Variants in MOB3A observed in about 807,000 individuals in gnomAD.
MOB3A encodes MOB LAK.
Under a neutral mutation model 17.8 loss-of-function variants are expected in MOB3A, and 17 were observed. The observed-to-expected ratio is 0.95, with a 90% CI of 0.65 to 1.43. The LOEUF (loss-of-function observed/expected upper bound fraction) is 1.43, where lower values mean the gene tolerates loss of function less well. Ranked by LOEUF, MOB3A falls within the 40% of genes most tolerant of loss-of-function variation. The pLI is 0.00. For missense variants in MOB3A, 333 were observed against 310.8 expected, an observed-to-expected ratio of 1.07 and a Z score of -0.54; for synonymous variants, 124 against 133.2, an observed-to-expected ratio of 0.93 and a Z score of 0.48.
In MOB3A at chr19:2,078,627, C is replaced by T; in HGVS notation, c.-67G>A. The T allele has an allele frequency of 6.7e-7, 1 of 1,485,034 alleles. No individual in the cohort carries two copies. Among genetic ancestry groups the T allele is most frequent in the South Asian group, 1.4e-5 (1 of 73,708 alleles). The allele number at this position is 1,485,034 out of a possible 1,614,324, so 92.0% of individuals were successfully genotyped here. Reference sequence around the variant, plus strand: ...TGGGCCAGCTGGCTGGGGGTGCTGACCAACCCGAGAGGCCACGAAACACTC... The same window carrying T: ...TGGGCCAGCTGGCTGGGGGTGCTGATCAACCCGAGAGGCCACGAAACACTC... On this transcript the variant is annotated 5_prime_UTR_variant, in exon 3 of 5. Coordinates refer to ENST00000357066, the MANE Select transcript of MOB3A (RefSeq NM_130807.3).
intron 4 of MOB3A, among the ~76,000 whole-genome samples, chr19:2,076,510 C>T (rs2017410556): frequency 6.6e-6 from 1 of 152,218 alleles, no homozygotes; most frequent in Non-Finnish European, 1.5e-5. Flanking sequence ...TCATAAGGGA[C>T]ACTGAGCGGC....
At chr19:2,090,539 A>G (rs1330140948) in intron 1 of MOB3A, among the ~76,000 whole-genome samples, 1 of 152,174 alleles carries the variant, frequency 6.6e-6, no homozygotes, top group African/African-American at 2.4e-5. Flanking sequence ...ACTCCACCCC[A>G]GAGAATGACT....
intron 4 of MOB3A, among the ~76,000 whole-genome samples, 187 bp downstream of exon 4, chr19:2,076,624 C>T (rs2017412603): frequency 6.6e-6 from 1 of 152,140 alleles, no homozygotes; most frequent in Non-Finnish European, 1.5e-5. Context: ...CGTGGGAGAA[C>T]GCAGGATCCC....
intron 1 of MOB3A, among the ~76,000 whole-genome samples, chr19:2,091,464 A>G (rs1330937441): frequency 1.3e-5 from 2 of 151,806 alleles, no homozygotes; most frequent in African/African-American, 4.8e-5. Flanking sequence ...GCTCACTGCA[A>G]GCTCTGCCTC....
At chr19:2,094,293 C>T (rs1310955965) in intron 1 of MOB3A, among the ~76,000 whole-genome samples, 2 of 152,022 alleles carry the variant, frequency 1.3e-5, no homozygotes, top group Admixed American at 6.6e-5. Flanking sequence ...GTGATCCACC[C>T]GCCTCAGCCT....
In MOB3A at chr19:2,095,498, G is replaced by T. The variant is rs193169545; in HGVS notation, c.-274+728C>A. Among the ~76,000 whole-genome samples the T allele has an allele frequency of 7.0e-4, 106 of 152,332 alleles. No homozygotes were observed. In the East Asian group the frequency reaches 0.018, roughly 25 times the overall value. On this transcript the variant is annotated intron_variant, in intron 1 of 4. Transcript: ENST00000357066. ...GGCCCGACCGCCGCGTTGGCTTGGG[G>T]ATCCTGAAGCCCTGCAGAATTTTAA...
At chr19:2,077,108 A>G in intron 3 of MOB3A, 95 bp from the exon 4 acceptor site, 1 of 1,151,012 alleles carries the variant, frequency 8.7e-7, no homozygotes, top group Non-Finnish European at 1.3e-6. Context: ...TCCAGACAGA[A>G]ATTGCTGGCA....
chr19:2,076,697 C>G (rs1282760972), intron 4 of MOB3A, 114 bp downstream of exon 4: 7 of 1,086,364 alleles, frequency 6.4e-6, no homozygotes, highest in African/African-American at 1.6e-5. Context: ...CAGCCGGGGC[C>G]GCCAGCTGCT....
intron 3 of MOB3A, among the ~76,000 whole-genome samples, chr19:2,077,939 A>G (rs1184409974): frequency 6.6e-6 from 1 of 151,828 alleles, no homozygotes; most frequent in Non-Finnish European, 1.5e-5. Flanking sequence ...GTGTGCCACC[A>G]TGCCTGGCTA....
intron 4 of MOB3A, among the ~76,000 whole-genome samples, chr19:2,074,781 G>A (rs796200113): frequency 3.3e-5 from 5 of 151,340 alleles, no homozygotes; most frequent in East Asian, 3.9e-4. Context: ...GCAATGGCGC[G>A]ATCTCAGCTC....
At chr19:2,073,491 A>T (rs2017366058) in intron 4 of MOB3A, 67 bp from the exon 5 acceptor site, 2 of 1,603,446 alleles carry the variant, frequency 1.2e-6, no homozygotes, top group Non-Finnish European at 1.7e-6. Context: ...CGAACAGCAG[A>T]CACACGGAGA....
intron 1 of MOB3A, among the ~76,000 whole-genome samples, chr19:2,086,624 C>G (rs1284760884): frequency 6.6e-6 from 1 of 152,116 alleles, no homozygotes; most frequent in Non-Finnish European, 1.5e-5. Context: ...TCCCAAAGTG[C>G]TGGGATTACA....
intron 1 of MOB3A, among the ~76,000 whole-genome samples, chr19:2,087,969 C>T (rs1038683025): frequency 1.3e-5 from 2 of 152,220 alleles, no homozygotes; most frequent in Non-Finnish European, 2.9e-5. Flanking sequence ...TGCTCTGAGC[C>T]CGCCCAGTGG....
At position 2,076,797 on chromosome 19, in the gene MOB3A, C is replaced by T; in HGVS notation, c.624+14G>A. ...CCACCGTAACCGCACGCCCTCAGCC[C>T]CAAGCCCGCGCACCAGTGGCTCCAG... is the stretch of plus-strand genomic sequence containing the variant. On this transcript the variant is annotated intron_variant, in intron 4 of 4. Coordinates refer to ENST00000357066, the MANE Select transcript of MOB3A (RefSeq NM_130807.3). The T allele has an allele frequency of 6.2e-7, 1 of 1,612,672 alleles. No individual in the cohort carries two copies. Among genetic ancestry groups the T allele is most frequent in the Non-Finnish European group, 8.5e-7 (1 of 1,179,774 alleles).
rs1182786062 is a variant in MOB3A, at chr19:2,096,268, A to G, written c.-316T>C. 1 of 156,036 alleles carries G rather than the reference A, an allele frequency of 6.4e-6. No homozygotes were observed. Among genetic ancestry groups the G allele is most frequent in the Non-Finnish European group, 1.4e-5 (1 of 70,616 alleles). 9.7% of individuals were successfully genotyped at this position (156,036 alleles called of 1,614,324 possible). A position where few individuals can be genotyped will look rare whatever the true frequency, so the allele number is the denominator to read the frequency against. ...CCGCCTTCGCCCCTCCCGGTACCCA[A>G]CTGGCCGCCTCGGCCGCCTCAGCCG... On this transcript the variant is annotated 5_prime_UTR_variant, in exon 1 of 5. Transcript: ENST00000357066.
At chr19:2,073,678 G>A (rs1349327835) in intron 4 of MOB3A, among the ~76,000 whole-genome samples, 2 of 152,112 alleles carry the variant, frequency 1.3e-5, no homozygotes, top group Admixed American at 6.6e-5. Context: ...ACTCTGTCTT[G>A]TACCTCAAAA....
At chr19:2,081,459 G>A (rs1017104345) in intron 2 of MOB3A, among the ~76,000 whole-genome samples, 1 of 151,952 alleles carries the variant, frequency 6.6e-6, no homozygotes, top group African/African-American at 2.4e-5. Context: ...ATGGTGGCGG[G>A]CGCCTGTAAT....
intron 2 of MOB3A, among the ~76,000 whole-genome samples, chr19:2,080,868 G>C (rs150043221): frequency 6.6e-6 from 1 of 152,166 alleles, no homozygotes; most frequent in Admixed American, 6.5e-5. Flanking sequence ...TGGACAGGCC[G>C]GGTGCAGTGG....
chr19:2,079,293 A>C (rs555125021), intron 2 of MOB3A, among the ~76,000 whole-genome samples: 134 of 152,350 alleles, frequency 8.8e-4, no homozygotes, highest in African/African-American at 3.2e-3. Flanking sequence ...GGGCAGGCTG[A>C]GATGCCAGTC....
Sources: gnomAD v4.1 joint callset for allele counts (sites outside exome capture counted in the v4.1 genomes callset) on GRCh38, gnomAD v4.1.1 for gene constraint, MANE v1.5 for transcripts, NCBI Gene and HGNC (gene_info 2026-07-23, HGNC 2026-07-21) for gene names.